ARID4B: variants seen among roughly 807,000 people sequenced by gnomAD.
ARID4B encodes AT-rich interactive domain-containing protein 4B.
In ARID4B, 26 loss-of-function variants were observed where a neutral mutation model predicts 147.5. The observed-to-expected ratio is 0.18, with a 90% CI of 0.13 to 0.24. The LOEUF (loss-of-function observed/expected upper bound fraction) is 0.24. Among genes scored for constraint, ARID4B ranks in the 10% least tolerant of loss-of-function variants. ARID4B has a pLI of 1.00. For missense variants in ARID4B, 1,179 were observed against 1,511.5 expected (o/e 0.78, Z 3.65); for synonymous variants, 512 against 507.9 (o/e 1.01, Z -0.11).
intron 17 of ARID4B, among the ~76,000 whole-genome samples, chr1:235,206,740 G>C (rs111483242): frequency 6.6e-6 from 1 of 152,190 alleles, no homozygotes; most frequent in African/African-American, 2.4e-5. Flanking sequence ...TATCTACAAA[G>C]GGTCACTAGT....
At chr1:235,320,138 C>CA (rs1674723723) in intron 2 of ARID4B, among the ~76,000 whole-genome samples, 1 of 144,222 alleles carries the variant, frequency 6.9e-6, no homozygotes, top group African/African-American at 2.6e-5. Context: ...AAAAAAAAAA[C>CA]AAAAAATACA....
At chr1:235,280,644 AG>A (rs779836717) in intron 2 of ARID4B, among the ~76,000 whole-genome samples, 21 of 152,350 alleles carry the variant, frequency 1.4e-4, no homozygotes, top group Non-Finnish European at 1.9e-4. Context: ...AAGAACAGCC[AG>A]GGGCCCCTCC....
intron 19 of ARID4B, among the ~76,000 whole-genome samples, chr1:235,186,678 C>T (rs1246151217): frequency 2.0e-5 from 3 of 151,968 alleles, no homozygotes; most frequent in East Asian, 3.9e-4. Context: ...GCTGGGATTA[C>T]AGGTGTGAGC....
At position 235,172,741 on chromosome 1, in the gene ARID4B, C is replaced by T; in HGVS notation, c.3688G>A (p.Ala1230Thr). 1.3e-6 allele frequency: 2 copies of T among 1,571,860 alleles called. No individual in the cohort carries two copies. The highest frequency in any genetic ancestry group is 2.4e-5 in the South Asian group (2 of 82,686). ...TCTTGAAGAATTGTGATGCGTTCGGCACTTGTCATATTTTCCAGGTCCGCT... is the reference window on the plus strand; with the variant it reads ...TCTTGAAGAATTGTGATGCGTTCGGTACTTGTCATATTTTCCAGGTCCGCT... Reference protein sequence around the residue: ...QMSDLENMTSAERITILQEKL... With the variant: ...QMSDLENMTSTERITILQEKL... Residue 1230 changes from alanine to threonine, a missense_variant, in exon 23 of 24, where the codon GCC (alanine) becomes ACC (threonine). Around this residue, in one of 10 missense-constraint regions of ARID4B, gnomAD observed 357 missense variants for 427.3 expected, o/e 0.84. Transcript: ENST00000264183.
intron 20 of ARID4B, among the ~76,000 whole-genome samples, chr1:235,178,737 T>C (rs185031319): frequency 1.4e-4 from 22 of 152,252 alleles, no homozygotes; most frequent in African/African-American, 5.1e-4. Context: ...CAGAGACTAA[T>C]AAAGTACTAT....
chr1:235,221,689 C>A, intron 13 of ARID4B, 27 bp from the exon 14 acceptor site: 1 of 1,343,924 alleles, frequency 7.4e-7, no homozygotes, highest in Non-Finnish European at 1.1e-6. Flanking sequence ...AACAAAAACT[C>A]TCAAATTAAA....
At chr1:235,272,305 T>C (rs1185070488) in intron 2 of ARID4B, among the ~76,000 whole-genome samples, 1 of 152,210 alleles carries the variant, frequency 6.6e-6, no homozygotes, top group East Asian at 1.9e-4. Flanking sequence ...TAATGATTCC[T>C]ATCTGTCCTC....
At chr1:235,211,688 C>T (rs1245721844) in intron 17 of ARID4B, among the ~76,000 whole-genome samples, 3 of 152,156 alleles carry the variant, frequency 2.0e-5, no homozygotes, top group South Asian at 2.1e-4. Context: ...AAGTGATCCT[C>T]CCACCTCAGT....
intron 20 of ARID4B, among the ~76,000 whole-genome samples, chr1:235,179,764 CA>C (rs1357092620): frequency 6.6e-6 from 1 of 151,460 alleles, no homozygotes; most frequent in East Asian, 1.9e-4. Context: ...AATAAGGATA[CA>C]ACCTCTTAAA....
chr1:235,225,780 T>C (rs1667788376), intron 11 of ARID4B, among the ~76,000 whole-genome samples: 1 of 152,200 alleles, frequency 6.6e-6, no homozygotes, highest in Non-Finnish European at 1.5e-5. Flanking sequence ...ATGTGCCTAA[T>C]GCCACTGCTT....
At chr1:235,266,384 G>A (rs1259868599) in intron 2 of ARID4B, among the ~76,000 whole-genome samples, 1 of 152,048 alleles carries the variant, frequency 6.6e-6, no homozygotes, top group East Asian at 1.9e-4. Flanking sequence ...TCAGTAGTAT[G>A]GATCATCTCA....
At chr1:235,240,628 A>T in intron 7 of ARID4B, 177 bp from the exon 8 acceptor site, 1 of 626,574 alleles carries the variant, frequency 1.6e-6, no homozygotes, top group Admixed American at 2.9e-5. Flanking sequence ...GTTTATCATG[A>T]GAGGAAAGCA....
intron 19 of ARID4B, among the ~76,000 whole-genome samples, chr1:235,185,162 C>T (rs1294549340): frequency 6.6e-6 from 1 of 152,138 alleles, no homozygotes; most frequent in Non-Finnish European, 1.5e-5. Flanking sequence ...AATGGGGATT[C>T]TTACTTATCA....
chr1:235,311,508 C>T (rs1223116771), intron 2 of ARID4B, among the ~76,000 whole-genome samples: 1 of 152,052 alleles, frequency 6.6e-6, no homozygotes, highest in Non-Finnish European at 1.5e-5. Flanking sequence ...GAAGGCCAGG[C>T]ACAGTGGCTC....
intron 14 of ARID4B, among the ~76,000 whole-genome samples, 156 bp downstream of exon 14, chr1:235,221,409 T>C (rs1035999034): frequency 1.2e-4 from 18 of 151,538 alleles, no homozygotes; most frequent in East Asian, 1.9e-4. Flanking sequence ...TCTAGTATCA[T>C]AGAATACACT....
chr1:235,193,590 C>A (rs1458263871), intron 19 of ARID4B, among the ~76,000 whole-genome samples: 1 of 152,042 alleles, frequency 6.6e-6, no homozygotes, highest in Admixed American at 6.6e-5. Context: ...TAAATGTTAA[C>A]CAAAATTTTA....
intron 20 of ARID4B, among the ~76,000 whole-genome samples, chr1:235,179,547 A>AAAC (rs1312856227): frequency 2.7e-5 from 4 of 149,870 alleles, no homozygotes; most frequent in Non-Finnish European, 5.9e-5. Context: ...AAAAAAAAAA[A>AAAC]AAAAAACCCA....
chr1:235,267,868 C>T (rs944298892), intron 2 of ARID4B, among the ~76,000 whole-genome samples: 2 of 151,482 alleles, frequency 1.3e-5, no homozygotes, highest in African/African-American at 4.9e-5. Flanking sequence ...CGAGTCACTG[C>T]ACTCCAACCT....
At chr1:235,263,851 G>A (rs550877496) in intron 2 of ARID4B, among the ~76,000 whole-genome samples, 9 of 152,074 alleles carry the variant, frequency 5.9e-5, no homozygotes, top group Admixed American at 4.6e-4. Context: ...AAAAATAGCT[G>A]GGCGTGGTGG....
Sources: gnomAD v4.1 joint callset for allele counts (sites outside exome capture counted in the v4.1 genomes callset) on GRCh38, gnomAD v4.1.1 for gene constraint, gnomAD v4.1.1 regional missense constraint, MANE v1.5 for transcripts, NCBI Gene and HGNC (gene_info 2026-07-23, HGNC 2026-07-21) for gene names.